The following TRMT1 variants were observed in gnomAD, a reference collection of about 807,000 sequenced individuals.
TRMT1 encodes tRNA (guanine(26)-N(2))-dimethyltransferase.
Under a neutral mutation model 75.4 loss-of-function variants are expected in TRMT1, and 63 were observed. That is an observed-to-expected ratio of 0.84 (90% CI 0.68 to 1.03). TRMT1 has a LOEUF of 1.03. TRMT1 is among the 50% of genes least tolerant of loss of function. The probability of loss-of-function intolerance (pLI) is 0.00; values close to 1 mark genes in which losing one functional copy is unlikely to be tolerated. For missense variants in TRMT1, 870 were observed against 905.3 expected (o/e 0.96, Z 0.50); for synonymous variants, 382 against 358.1 (o/e 1.07, Z -0.75).
chr19:13,107,985 CTTTTTTTTTTT>C (rs71168652), intron 12 of TRMT1, 126 bp from the exon 13 acceptor site: 6,543 of 332,652 alleles, frequency 0.02, 344 homozygotes, highest in African/African-American at 0.18. Flanking sequence ...CTTTTCTTTT[CTTTTTTTTTTT>C]TTTTTTTTTT....
chr19:13,111,709 C>CT (rs1046911404), intron 7 of TRMT1, among the ~76,000 whole-genome samples: 18 of 102,886 alleles, frequency 1.7e-4, no homozygotes, highest in African/African-American at 4.1e-4. Context: ...ATTTTTTTTT[C>CT]TTTTTTTTGA....
At chr19:13,112,432 GAA>G (rs1266346612) in intron 7 of TRMT1, among the ~76,000 whole-genome samples, 1 of 151,994 alleles carries the variant, frequency 6.6e-6, no homozygotes, top group Non-Finnish European at 1.5e-5. Flanking sequence ...ATTTTTTTTT[GAA>G]AAGTTGTTTT....
intron 14 of TRMT1, among the ~76,000 whole-genome samples, chr19:13,106,642 A>ATT (rs35374756): frequency 3.8e-5 from 5 of 131,898 alleles, no homozygotes; most frequent in East Asian, 2.2e-4. Flanking sequence ...CACCTGGCTA[A>ATT]TTTTTTTTTT....
At chr19:13,106,639 CTAAT>C (rs2018882240) in intron 14 of TRMT1, among the ~76,000 whole-genome samples, 1 of 147,616 alleles carries the variant, frequency 6.8e-6, no homozygotes, top group Non-Finnish European at 1.5e-5. Context: ...CCACACCTGG[CTAAT>C]TTTTTTTTTT....
In TRMT1 at chr19:13,109,111, T is replaced by C. The variant is rs556676074; in HGVS notation, c.1397+270A>G. On this transcript the variant is annotated intron_variant, in intron 12 of 16. Transcript: ENST00000357720. ...GTGTGTGTGTGTGTGTGTGTGTGTA[T>C]ACATACGTATGTATGTGTGTGTATA... is the stretch of plus-strand genomic sequence containing the variant. 3.8e-3 allele frequency among the ~76,000 whole-genome samples: 571 copies of C among 151,300 alleles called. 2 individuals carry two copies. Among genetic ancestry groups the C allele is most frequent in the African/African-American group, 0.013 (547 of 40,864 alleles).
At chr19:13,106,116 A>C (rs990054671) in intron 14 of TRMT1, among the ~76,000 whole-genome samples, 2 of 151,822 alleles carry the variant, frequency 1.3e-5, no homozygotes, top group African/African-American at 4.8e-5. Context: ...GCTGGAGTGC[A>C]GTGGTGCGAT....
At chr19:13,105,417 G>C (rs1322584074) in intron 15 of TRMT1, 21 bp from the exon 16 acceptor site, 3 of 1,613,558 alleles carry the variant, frequency 1.9e-6, no homozygotes, top group Non-Finnish European at 2.5e-6. Context: ...GGAGGAGTAG[G>C]TGGGACCCCA....
intron 5 of TRMT1, 132 bp downstream of exon 5, chr19:13,115,147 G>T: frequency 2.1e-6 from 2 of 973,258 alleles, no homozygotes; most frequent in Non-Finnish European, 3.0e-6. Context: ...TTTCTCAGTT[G>T]ACAGACAAGG....
At chr19:13,114,673 A>T (rs944550374) in intron 5 of TRMT1, among the ~76,000 whole-genome samples, 1 of 151,324 alleles carries the variant, frequency 6.6e-6, no homozygotes, top group Non-Finnish European at 1.5e-5. Context: ...AAAAATAAAT[A>T]AATAAATAAA....
rs751595932 is a variant in TRMT1, at chr19:13,116,336, G to A, written c.64C>T (p.Arg22Trp). ...FRSARVLSRA[R>W]FFEWQSPGLP... ...CCTGGAGACTGCCACTCGAAAAACC[G>A]GGCTCTAGAGAGCACCCGGGCGGAG... The change falls in exon 2 of 17, where the codon CGG becomes TGG. Residue 22 changes from arginine (R) to tryptophan (W), a missense_variant. By Grantham distance (101) the Arg-to-Trp change is moderately radical (BLOSUM62 -3). Coordinates refer to ENST00000357720, the MANE Select transcript of TRMT1 (RefSeq NM_001136035.4). 1 of 1,613,484 alleles carries A rather than the reference G, an allele frequency of 6.2e-7. No individual in the cohort carries two copies. Among genetic ancestry groups the A allele is most frequent in the Non-Finnish European group, 8.5e-7 (1 of 1,179,934 alleles).
At chr19:13,116,622 T>C in intron 1 of TRMT1, 31 bp downstream of exon 1, 1 of 625,508 alleles carries the variant, frequency 1.6e-6, no homozygotes, top group Non-Finnish European at 2.7e-6. Flanking sequence ...CGAGTCCGAA[T>C]CCCTCCCCGC....
In TRMT1 at chr19:13,116,328, G is replaced by A. The variant is rs777869854; in HGVS notation, c.72C>T (p.Phe24=). The A allele has an allele frequency of 1.2e-6, 2 of 1,613,824 alleles. No individual in the cohort carries two copies. The highest frequency in any genetic ancestry group is 2.2e-5 in the East Asian group (1 of 44,872). ...TCGGCAGCCCTGGAGACTGCCACTC[G>A]AAAAACCGGGCTCTAGAGAGCACCC... ...SARVLSRARF[F]EWQSPGLPNT... is the part of the protein sequence containing the mutation. Residue 24 remains phenylalanine (F), a synonymous_variant, in exon 2 of 17, where the codon TTC becomes TTT. Coordinates refer to ENST00000357720, the MANE Select transcript of TRMT1 (RefSeq NM_001136035.4).
chr19:13,105,532 G>T lies in TRMT1; in HGVS notation c.1658C>A (p.Ala553Asp), dbSNP rs746923736. 1 of 1,614,088 alleles carries T rather than the reference G, an allele frequency of 6.2e-7. No individual in the cohort carries two copies. Among genetic ancestry groups the T allele is most frequent in the Non-Finnish European group, 8.5e-7 (1 of 1,180,028 alleles). Residue 553 changes from alanine (A) to aspartate (D), a missense_variant, in exon 15 of 17, where the codon GCT (alanine) becomes GAT (aspartate). Coordinates refer to ENST00000357720, the MANE Select transcript of TRMT1 (RefSeq NM_001136035.4). ...SRQRGLKRFQ[A>D]NPEANWGPRP... ...GGGACCCCAGTTGGCCTCCGGGTTA[G>T]CCTGGAAGCGCTTGAGTCCTCGCTG...
At chr19:13,110,724 T>G (rs777795251) in intron 7 of TRMT1, among the ~76,000 whole-genome samples, 2 of 152,106 alleles carry the variant, frequency 1.3e-5, no homozygotes, top group African/African-American at 4.8e-5. Flanking sequence ...TCCCAGCACT[T>G]TGGGAGGCTG....
chr19:13,104,947 T>G lies in TRMT1; in HGVS notation c.1968A>C (p.Pro656=), dbSNP rs2055571118. The G allele has an allele frequency of 6.2e-7, 1 of 1,613,834 alleles. No individual in the cohort carries two copies. Among genetic ancestry groups the G allele is most frequent in the African/African-American group, 1.3e-5 (1 of 74,936 alleles). ...TCTCTTTATTGGTTCAGTCTATGCC[T>G]GGCCCAGCGGCAGCCCCAGGTCCAG... The part of the protein sequence containing the change: ...TPPGPGAAAG[P]GID The change falls in exon 17 of 17, where the codon CCA becomes CCC. Residue 656 remains proline (P), a synonymous_variant. Transcript: ENST00000357720.
rs1317307098 is a variant in TRMT1, at chr19:13,112,737, T to C, written c.838A>G (p.Met280Val). The C allele has an allele frequency of 6.2e-7, 1 of 1,613,362 alleles. No individual in the cohort carries two copies. Among genetic ancestry groups the C allele is most frequent in the East Asian group, 2.2e-5 (1 of 44,892 alleles). The change falls in exon 7 of 17, where the codon ATG becomes GTG. Residue 280 changes from methionine (M) to valine (V), a missense_variant. Transcript: ENST00000357720. ...TGGCAGGCCCGGCTCTTGAGGGCCA[T>C]GGCCCCGTACTTGCTGTAGCACGTC... is the stretch of plus-strand genomic sequence containing the variant. ...GETCYSKYGA[M>V]ALKSRACHEM... is the part of the protein sequence containing the mutation.
At position 13,109,916 on chromosome 19, in the gene TRMT1, G is replaced by T; in HGVS notation, c.1105C>A (p.Arg369=). The change falls in exon 9 of 17, where the codon CGG becomes AGG. Residue 369 remains arginine (R), a splice_region_variant and synonymous_variant. Transcript: ENST00000357720. ...TTCTTCTCCTTCCTCCCTGCTCACC[G>T]GCCGCTGGGGACTCCTGACGCTTTG... ...LGKASGVPSG[R]AKFSAACGPP... is the part of the protein sequence containing the mutation. 1 of 1,614,000 alleles carries T rather than the reference G, an allele frequency of 6.2e-7. No homozygotes were observed. The highest frequency in any genetic ancestry group is 8.5e-7 in the Non-Finnish European group (1 of 1,179,992).
rs770737443 is a variant in TRMT1 at position 13,110,303 on chromosome 19, G to C, written c.874C>G (p.Leu292Val). ...LKSRACHEMA[L>V]RIVLHSLDLR... ...TCCAGGCTGTGCAGGACGATTCTCA[G>C]GGCCTGGGGGTGGGGGGTGGGTGTC... Residue 292 changes from leucine (L) to valine (V), a missense_variant, in exon 8 of 17, where the codon CTG becomes GTG. By Grantham distance (32) the Leu-to-Val change is conservative. Transcript: ENST00000357720. 9.4e-7 allele frequency: 1 copy of C among 1,068,348 alleles called. No homozygotes were observed. Among genetic ancestry groups the C allele is most frequent in the Non-Finnish European group, 1.4e-6 (1 of 705,510 alleles). The allele number at this position is 1,068,348 out of a possible 1,614,324, so 66.2% of individuals were successfully genotyped here.
intron 14 of TRMT1, 79 bp from the exon 15 acceptor site, chr19:13,105,685 C>T (rs1448794645): frequency 2.9e-6 from 4 of 1,356,596 alleles, no homozygotes; most frequent in Non-Finnish European, 3.1e-6. Flanking sequence ...AGGGCCTGTC[C>T]GCCTCCACAA....
Sources: allele counts gnomAD v4.1 joint callset (sites outside exome capture counted in the v4.1 genomes callset), GRCh38; gene constraint gnomAD v4.1.1; transcripts MANE v1.5; gene names NCBI Gene and HGNC (gene_info 2026-07-23, HGNC 2026-07-21).